SKI: variants seen among roughly 807,000 people sequenced by gnomAD.
SKI encodes the protein ski oncogene.
A neutral mutation model predicts 59.3 loss-of-function variants in SKI; 23 were observed. That is an observed-to-expected ratio of 0.39 (90% CI 0.28 to 0.55). The LOEUF (loss-of-function observed/expected upper bound fraction) is 0.55. Among genes scored for constraint, SKI ranks in the 20% least tolerant of loss-of-function variants. The pLI is 0.67. For synonymous variants in SKI, 673 were observed against 488.6 expected (o/e 1.38, Z -4.98); for missense variants, 1,017 against 1,038.9 (o/e 0.98, Z 0.29).
At chr1:2,300,176 G>T (rs1640390142) in intron 1 of SKI, among the ~76,000 whole-genome samples, 1 of 152,254 alleles carries the variant, frequency 6.6e-6, no homozygotes, top group Non-Finnish European at 1.5e-5. Context: ...GTCATCCTCG[G>T]GGTGTGGGGA....
intron 1 of SKI, among the ~76,000 whole-genome samples, chr1:2,301,029 C>T (rs1338638367): frequency 2.0e-5 from 3 of 152,204 alleles, no homozygotes; most frequent in Admixed American, 6.6e-5. Context: ...TCTGAGTCTC[C>T]CGGAGTCAGC....
intron 1 of SKI, among the ~76,000 whole-genome samples, chr1:2,272,756 G>C (rs1639653028): frequency 6.6e-6 from 1 of 152,188 alleles, no homozygotes; most frequent in Non-Finnish European, 1.5e-5. Context: ...GTTGGAGTCT[G>C]GTTCCCGTCT....
Position 2,229,832 on chromosome 1 carries a change from C to G in SKI, c.969+97C>G. The G allele has an allele frequency of 5.2e-6, 8 of 1,537,714 alleles. No homozygotes were observed. The highest frequency in any genetic ancestry group is 6.1e-6 in the Non-Finnish European group (7 of 1,139,336). ...TGGTCTCCGAAGGCTGGGACCTGTG[C>G]TTCTGCCGTGCCCCATGTCTCCAGT... On this transcript the variant is annotated intron_variant, in intron 1 of 6. Coordinates refer to ENST00000378536, the MANE Select transcript of SKI (RefSeq NM_003036.4). The surrounding 1 kb of genome is among the most constrained non-coding windows in gnomAD (Gnocchi z 6.3).
At chr1:2,233,113 G>C (rs1258324498) in intron 1 of SKI, among the ~76,000 whole-genome samples, 1 of 152,190 alleles carries the variant, frequency 6.6e-6, no homozygotes, top group Non-Finnish European at 1.5e-5. Flanking sequence ...CGTCAGCCAA[G>C]CGCTTTCCGT....
In SKI at chr1:2,237,355, G is replaced by C. The variant is rs541312115; in HGVS notation, c.969+7620G>C. 4.6e-5 allele frequency among the ~76,000 whole-genome samples: 7 copies of C among 152,346 alleles called. 1 individual carries two copies. In the South Asian group the frequency reaches 1.4e-3, roughly 32 times the overall value. On this transcript the variant is annotated intron_variant, in intron 1 of 6. Transcript: ENST00000378536. ...CCCTGCGGTGCTCCTGGCTGCTGTGGTTCCTGAAGGCTGCGGCTGTGCCGG... is the reference window on the plus strand; with the variant it reads ...CCCTGCGGTGCTCCTGGCTGCTGTGCTTCCTGAAGGCTGCGGCTGTGCCGG...
At chr1:2,284,859 G>C (rs537860602) in intron 1 of SKI, among the ~76,000 whole-genome samples, 1 of 152,340 alleles carries the variant, frequency 6.6e-6, no homozygotes, top group East Asian at 1.9e-4. Flanking sequence ...TGCTCTCACT[G>C]AGGGTCTGAC....
At chr1:2,297,093 A>G (rs1640304896) in intron 1 of SKI, among the ~76,000 whole-genome samples, 1 of 151,810 alleles carries the variant, frequency 6.6e-6, no homozygotes. Flanking sequence ...GAATGTGGCA[A>G]GATGGTCTGA....
At position 2,268,189 on chromosome 1, in the gene SKI, C is replaced by T. The variant is rs1034232239; in HGVS notation, c.970-34789C>T. On this transcript the variant is annotated intron_variant, in intron 1 of 6. Coordinates refer to ENST00000378536, the MANE Select transcript of SKI (RefSeq NM_003036.4). The surrounding 1 kb of genome is among the most constrained non-coding windows in gnomAD (Gnocchi z 5.0). ...CTCTGTGGGTGGGTGGCTGTGCTGC[C>T]GCTGCTGTCGCCCATCCTTGGGGGC... Among the ~76,000 whole-genome samples, 11 of 152,314 alleles carry T rather than the reference C, an allele frequency of 7.2e-5. No homozygotes were observed. Among genetic ancestry groups the T allele is most frequent in the South Asian group, 4.1e-4 (2 of 4,828 alleles).
rs201144990 is a variant in SKI at position 2,229,090 on chromosome 1, G to A, written c.324G>A (p.Glu108=). ...TERCETVLEG[E]TISCFVVGGE... ...GCTGCGAGACCGTACTGGAAGGCGA[G>A]ACCATCTCGTGCTTCGTGGTGGGAG... Residue 108 remains glutamate, a synonymous_variant, in exon 1 of 7, where the codon GAG becomes GAA. Coordinates refer to ENST00000378536, the MANE Select transcript of SKI (RefSeq NM_003036.4). The surrounding 1 kb of genome is among the most constrained non-coding windows in gnomAD (Gnocchi z 6.3). 14 of 1,609,364 alleles carry A rather than the reference G, an allele frequency of 8.7e-6. No homozygotes were observed. The East Asian group carries it at 3.1e-4, about 36-fold the overall frequency.
intron 5 of SKI, among the ~76,000 whole-genome samples, chr1:2,305,440 G>A (rs977864894): frequency 1.3e-5 from 2 of 151,998 alleles, no homozygotes; most frequent in Non-Finnish European, 2.9e-5. Flanking sequence ...GCCCTCCTGC[G>A]CGTGCCAGTC....
intron 6 of SKI, 96 bp from the exon 7 acceptor site, chr1:2,306,481 G>T: frequency 7.6e-7 from 1 of 1,313,180 alleles, no homozygotes; most frequent in South Asian, 1.3e-5. Context: ...ACTGGGGAGG[G>T]ACAGGGAGCG....
intron 1 of SKI, among the ~76,000 whole-genome samples, chr1:2,280,375 C>CA (rs34527294): frequency 0.24 from 33,161 of 140,640 alleles, 3,873 homozygotes; most frequent in Middle Eastern, 0.38. Flanking sequence ...GCGTCTGTCT[C>CA]AAAAAAAAAA....
intron 1 of SKI, among the ~76,000 whole-genome samples, chr1:2,260,467 A>T (rs1639360376): frequency 6.7e-6 from 1 of 149,390 alleles, no homozygotes; most frequent in Admixed American, 6.7e-5. Context: ...TCCTTTTCTG[A>T]ACGGTGTTTT....
At chr1:2,230,661 TACTC>T (rs1411301684) in intron 1 of SKI, among the ~76,000 whole-genome samples, 1 of 152,180 alleles carries the variant, frequency 6.6e-6, no homozygotes, top group Non-Finnish European at 1.5e-5. Flanking sequence ...GTGCCGAAAT[TACTC>T]AGTGGGGTCC....
chr1:2,298,951 C>T (rs1432712807), intron 1 of SKI, among the ~76,000 whole-genome samples: 1 of 152,160 alleles, frequency 6.6e-6, no homozygotes, highest in African/African-American at 2.4e-5. Context: ...GCTGCCTTCT[C>T]TAGTTGGGTG....
intron 1 of SKI, among the ~76,000 whole-genome samples, chr1:2,272,126 C>T (rs1375303062): frequency 6.6e-6 from 1 of 152,184 alleles, no homozygotes; most frequent in African/African-American, 2.4e-5. Context: ...AGGTCACTGC[C>T]CCGATTTTTA....
At position 2,268,462 on chromosome 1, in the gene SKI, G is replaced by C. The variant is rs371656746; in HGVS notation, c.970-34516G>C. On this transcript the variant is annotated intron_variant, in intron 1 of 6. Transcript: ENST00000378536. The surrounding 1 kb of genome is among the most constrained non-coding windows in gnomAD (Gnocchi z 5.0). Reference sequence around the variant, plus strand: ...AAGGGGGCACGGTAGTGAGTCAGGTGCCCGGGGGCTCATAAGCCACCTTGG... The same window carrying C: ...AAGGGGGCACGGTAGTGAGTCAGGTCCCCGGGGGCTCATAAGCCACCTTGG... Among the ~76,000 whole-genome samples, 2 of 152,304 alleles carry C rather than the reference G, an allele frequency of 1.3e-5. No homozygotes were observed. The highest frequency in any genetic ancestry group is 4.8e-5 in the African/African-American group (2 of 41,556).
chr1:2,285,037 C>T (rs778340570), intron 1 of SKI, among the ~76,000 whole-genome samples: 14 of 152,172 alleles, frequency 9.2e-5, no homozygotes, highest in Admixed American at 3.3e-4. Flanking sequence ...GTGTTTGGGC[C>T]ACCAGGGTAT....
At chr1:2,302,750 T>C (rs1037686849) in intron 1 of SKI, among the ~76,000 whole-genome samples, 3 of 152,190 alleles carry the variant, frequency 2.0e-5, no homozygotes, top group African/African-American at 7.2e-5. Context: ...GGAGATGACT[T>C]GTCCCTCAGC....
Sources: allele counts gnomAD v4.1 joint callset (sites outside exome capture counted in the v4.1 genomes callset), GRCh38; gene constraint gnomAD v4.1.1; non-coding constraint Gnocchi (gnomAD v3.1); transcripts MANE v1.5; gene names NCBI Gene and HGNC (gene_info 2026-07-23, HGNC 2026-07-21).